The following ANTXR2 variants were observed in gnomAD, a reference collection of about 807,000 sequenced individuals.
ANTXR2 encodes the protein ANTXR cell adhesion molecule 2, also known as anthrax toxin receptor 2.
In ANTXR2, 44 loss-of-function variants were observed where a neutral mutation model predicts 73.7. That is an observed-to-expected ratio of 0.60 (90% CI 0.47 to 0.77). ANTXR2 has a LOEUF of 0.77. ANTXR2 is among the 30% of genes least tolerant of loss of function. ANTXR2 has a pLI of 0.00. For synonymous variants in ANTXR2, 217 were observed against 205.9 expected, an observed-to-expected ratio of 1.05 and a Z score of -0.46; for missense variants, 604 against 592.5, an observed-to-expected ratio of 1.02 and a Z score of -0.20.
At chr4:80,042,237 G>C (rs1048397369) in intron 7 of ANTXR2, among the ~76,000 whole-genome samples, 2 of 151,950 alleles carry the variant, frequency 1.3e-5, no homozygotes, top group Non-Finnish European at 2.9e-5. Context: ...GGTTTTCGAA[G>C]ACAACAGGCA....
At chr4:79,996,894 T>A (rs1177848846) in intron 12 of ANTXR2, among the ~76,000 whole-genome samples, 2 of 151,970 alleles carry the variant, frequency 1.3e-5, no homozygotes, top group Admixed American at 6.6e-5. Flanking sequence ...ATCCTTCAGC[T>A]CTGTATTGAA....
rs942695700 is a variant in ANTXR2, at chr4:79,902,934, G to A, written c.*4495C>T. 3 of 152,084 alleles carry A rather than the reference G, an allele frequency of 2.0e-5. No homozygotes were observed. Among genetic ancestry groups the A allele is most frequent in the African/African-American group, 7.2e-5 (3 of 41,402 alleles). 9.4% of individuals were successfully genotyped at this position (152,084 alleles called of 1,614,324 possible). On this transcript the variant is annotated 3_prime_UTR_variant, in exon 17 of 17. Coordinates refer to ENST00000403729, the MANE Select transcript of ANTXR2 (RefSeq NM_058172.6). ...GGAGACTGAGGCAGGAGGATCACTT[G>A]AGGCCAGGTGTTTGAGACCAGTCTG... is the stretch of plus-strand genomic sequence containing the variant.
chr4:80,053,490 T>C (rs1042752000), intron 7 of ANTXR2, among the ~76,000 whole-genome samples: 8 of 151,746 alleles, frequency 5.3e-5, no homozygotes, highest in Admixed American at 1.3e-4. Context: ...CAGAACCAAA[T>C]GTTAGAAGAA....
At chr4:80,061,889 G>A (rs1037161757) in intron 3 of ANTXR2, among the ~76,000 whole-genome samples, 2 of 152,082 alleles carry the variant, frequency 1.3e-5, no homozygotes, top group African/African-American at 4.8e-5. Flanking sequence ...ACTTAACTGT[G>A]TTACTATATA....
At chr4:80,016,910 A>G (rs1187623719) in intron 11 of ANTXR2, among the ~76,000 whole-genome samples, 2 of 152,136 alleles carry the variant, frequency 1.3e-5, no homozygotes, top group African/African-American at 4.8e-5. Context: ...CAATTTGATC[A>G]CCCCAGTGGG....
At chr4:79,962,522 G>T (rs1401711923) in intron 16 of ANTXR2, among the ~76,000 whole-genome samples, 2 of 152,114 alleles carry the variant, frequency 1.3e-5, no homozygotes, top group Non-Finnish European at 2.9e-5. Flanking sequence ...TTCTTTTCCA[G>T]CTTTGTTGCA....
At chr4:80,024,707 A>C in intron 10 of ANTXR2, 1 of 453,944 alleles carries the variant, frequency 2.2e-6, no homozygotes, top group Non-Finnish European at 4.4e-6. Flanking sequence ...AAGTACAGTG[A>C]GTCAGATCAT....
Position 79,986,094 on chromosome 4 carries a change from T to C in ANTXR2, c.1042-1231A>G, listed in dbSNP as rs141046243. On this transcript the variant is annotated intron_variant, in intron 12 of 16. Coordinates refer to ENST00000403729, the MANE Select transcript of ANTXR2 (RefSeq NM_058172.6). The stretch of plus-strand genomic sequence containing the variant: ...CCTGATCTCGGGTGATCCACCCGCC[T>C]CGGCCCCCCAATACAGTTAATTCTT... Among the ~76,000 whole-genome samples the C allele has an allele frequency of 6.6e-3, 1,001 of 152,232 alleles. 35 individuals are homozygous for C. In the East Asian group the frequency reaches 0.087, roughly 13 times the overall value.
chr4:80,031,062 G>A (rs1578170675), intron 10 of ANTXR2, among the ~76,000 whole-genome samples: 1 of 151,874 alleles, frequency 6.6e-6, no homozygotes, highest in African/African-American at 2.4e-5. Context: ...CAGATATCGT[G>A]GTTTTTTGGC....
chr4:79,964,495 G>A (rs1035873292), intron 16 of ANTXR2, among the ~76,000 whole-genome samples: 1 of 152,152 alleles, frequency 6.6e-6, no homozygotes, highest in African/African-American at 2.4e-5. Context: ...TGTACCTGCT[G>A]TCCCCTGTCA....
At chr4:80,039,831 C>T (rs778122544) in intron 7 of ANTXR2, among the ~76,000 whole-genome samples, 5 of 152,052 alleles carry the variant, frequency 3.3e-5, no homozygotes, top group Admixed American at 6.6e-5. Flanking sequence ...GTGTTCATCG[C>T]AGCACTGTTC....
intron 12 of ANTXR2, 49 bp from the exon 13 acceptor site, chr4:79,984,912 T>G: frequency 1.4e-6 from 2 of 1,398,358 alleles, no homozygotes; most frequent in Non-Finnish European, 9.9e-7. Flanking sequence ...AGAGAGGAGA[T>G]AGTAAGGATG....
chr4:79,960,387 T>C (rs1729098814), intron 16 of ANTXR2, among the ~76,000 whole-genome samples: 1 of 152,170 alleles, frequency 6.6e-6, no homozygotes, highest in Non-Finnish European at 1.5e-5. Flanking sequence ...TAAAGTATCT[T>C]TCTGCCACAT....
intron 16 of ANTXR2, among the ~76,000 whole-genome samples, chr4:79,917,848 A>C (rs1476595852): frequency 6.6e-6 from 1 of 152,136 alleles, no homozygotes; most frequent in Non-Finnish European, 1.5e-5. Context: ...TATGACTCAT[A>C]ATCAATGAAA....
Position 79,907,586 on chromosome 4 carries a change from T to A in ANTXR2, c.1429-119A>T, listed in dbSNP as rs6819294. On this transcript the variant is annotated intron_variant, in intron 16 of 16. Coordinates refer to ENST00000403729, the MANE Select transcript of ANTXR2 (RefSeq NM_058172.6). The stretch of plus-strand genomic sequence containing the variant: ...TACCCAAGGAAAGTACCATGTTAAC[T>A]TGAGACATGAAGTCATAATTTTTTT... The A allele has an allele frequency of 0.58, 634,674 of 1,101,252 alleles. 186,790 individuals are homozygous for A. Among genetic ancestry groups the A allele is most frequent in the Non-Finnish European group, 0.61 (453,029 of 747,110 alleles). 68.2% of individuals were successfully genotyped at this position (1,101,252 alleles called of 1,614,324 possible). A position where few individuals can be genotyped will look rare whatever the true frequency, so the allele number is the denominator to read the frequency against.
At chr4:79,910,424 G>T (rs749417704) in intron 16 of ANTXR2, among the ~76,000 whole-genome samples, 2 of 148,554 alleles carry the variant, frequency 1.3e-5, no homozygotes, top group Admixed American at 6.8e-5. Flanking sequence ...CAGGAGAATC[G>T]CTTGAACCCG....
intron 2 of ANTXR2, among the ~76,000 whole-genome samples, chr4:80,070,704 G>A (rs781743002): frequency 1.3e-5 from 2 of 152,160 alleles, no homozygotes; most frequent in African/African-American, 2.4e-5. Flanking sequence ...ATTGTTTGAA[G>A]TTACTTGCAA....
intron 16 of ANTXR2, among the ~76,000 whole-genome samples, chr4:79,936,710 G>A (rs1728276427): frequency 6.6e-6 from 1 of 152,012 alleles, no homozygotes. Context: ...GAAATAATTA[G>A]AAAACAATTA....
chr4:79,926,882 T>TATACACATGTGTGC (rs1553925943), intron 16 of ANTXR2, among the ~76,000 whole-genome samples: 13 of 65,752 alleles, frequency 2.0e-4, no homozygotes, highest in South Asian at 1.6e-3. Context: ...TATGTGTGTA[T>TATACACATGTGTGC]ATATATGTGT....
Sources: gnomAD v4.1 joint callset for allele counts (sites outside exome capture counted in the v4.1 genomes callset) on GRCh38, gnomAD v4.1.1 for gene constraint, MANE v1.5 for transcripts, NCBI Gene and HGNC (gene_info 2026-07-23, HGNC 2026-07-21) for gene names.